The following GPRIN3 variants were observed in gnomAD, a reference collection of about 807,000 sequenced individuals.
GPRIN3 encodes the protein GPRIN family member 3.
A neutral mutation model predicts 13.7 loss-of-function variants in GPRIN3; 12 were observed. The observed-to-expected ratio is 0.87, with a 90% CI of 0.56 to 1.42. The LOEUF is 1.42. Among genes scored for constraint, GPRIN3 ranks in the 40% most tolerant of loss-of-function variants. The pLI is 0.00. For missense variants in GPRIN3, 1,009 were observed against 958.7 expected, an observed-to-expected ratio of 1.05 and a Z score of -0.69; for synonymous variants, 377 against 372.7, an observed-to-expected ratio of 1.01 and a Z score of -0.13.
chr4:89,292,785 G>A (rs1487162709), intron 1 of GPRIN3, among the ~76,000 whole-genome samples: 1 of 152,114 alleles, frequency 6.6e-6, no homozygotes, highest in Non-Finnish European at 1.5e-5. Flanking sequence ...GAAACATGGG[G>A]GAGGCAACTT....
At chr4:89,292,060 C>T (rs576589503) in intron 1 of GPRIN3, among the ~76,000 whole-genome samples, 1 of 152,118 alleles carries the variant, frequency 6.6e-6, no homozygotes, top group African/African-American at 2.4e-5. Context: ...AGCTCTGCCA[C>T]CCCATCCCAA....
chr4:89,245,830 T>A lies in GPRIN3; in HGVS notation c.*1950A>T, dbSNP rs1017088911. ...AGTGTTAGGCTAAATCTCTAATCAT[T>A]AATAGTAATTTGCTTGGTAATTTGA... On this transcript the variant is annotated 3_prime_UTR_variant, in exon 2 of 2. Transcript: ENST00000609438. 6.8e-6 allele frequency: 1 copy of A among 147,034 alleles called. No homozygotes were observed. Among genetic ancestry groups the A allele is most frequent in the Non-Finnish European group, 1.5e-5 (1 of 66,932 alleles). The allele number at this position is 147,034 out of a possible 1,614,324, so 9.1% of individuals were successfully genotyped here.
chr4:89,298,301 A>C (rs2110023694), intron 1 of GPRIN3, among the ~76,000 whole-genome samples: 1 of 152,236 alleles, frequency 6.6e-6, no homozygotes, highest in South Asian at 2.1e-4. Context: ...AACATTAAGG[A>C]AGTGGAGTAT....
chr4:89,305,032 A>C (rs934275752), intron 1 of GPRIN3, among the ~76,000 whole-genome samples: 4 of 152,224 alleles, frequency 2.6e-5, no homozygotes, highest in Non-Finnish European at 5.9e-5. Context: ...TAGATCCTCA[A>C]AATGAATGCA....
chr4:89,278,757 C>T, intron 1 of GPRIN3, among the ~76,000 whole-genome samples: 1 of 152,322 alleles, frequency 6.6e-6, no homozygotes, highest in Non-Finnish European at 1.5e-5. Context: ...GTAACTTGCT[C>T]CAGGTTGTGC....
chr4:89,236,435 A>C lies in GPRIN3; in HGVS notation c.*11345T>G, dbSNP rs1722798643. Reference sequence around the variant, plus strand: ...TTTATTAAATAGAATACAATGGCAAAATTCAAGGCTTTTAACAATTGAGTG... The same window carrying C: ...TTTATTAAATAGAATACAATGGCAACATTCAAGGCTTTTAACAATTGAGTG... On this transcript the variant is annotated 3_prime_UTR_variant, in exon 2 of 2. Coordinates refer to ENST00000609438, the MANE Select transcript of GPRIN3 (RefSeq NM_198281.3). 1 of 152,190 alleles carries C rather than the reference A, an allele frequency of 6.6e-6. No homozygotes were observed. Among genetic ancestry groups the C allele is most frequent in the African/African-American group, 2.4e-5 (1 of 41,450 alleles). 9.4% of individuals were successfully genotyped at this position (152,190 alleles called of 1,614,324 possible). A position where few individuals can be genotyped will look rare whatever the true frequency, so the allele number is the denominator to read the frequency against.
chr4:89,286,561 G>C (rs1288812497), intron 1 of GPRIN3, among the ~76,000 whole-genome samples: 1 of 151,578 alleles, frequency 6.6e-6, no homozygotes, highest in Non-Finnish European at 1.5e-5. Flanking sequence ...TTTTTTCTTT[G>C]TGTTTTTTAG....
chr4:89,306,417 G>A (rs1185008752), intron 1 of GPRIN3, among the ~76,000 whole-genome samples: 1 of 152,158 alleles, frequency 6.6e-6, no homozygotes, highest in African/African-American at 2.4e-5. Flanking sequence ...ATTTCATGAA[G>A]CAAAGCCTTA....
At chr4:89,298,608 A>G (rs898851390) in intron 1 of GPRIN3, among the ~76,000 whole-genome samples, 1 of 152,056 alleles carries the variant, frequency 6.6e-6, no homozygotes, top group Non-Finnish European at 1.5e-5. Context: ...AGTTCAGACT[A>G]TGTATTATTC....
In GPRIN3 at chr4:89,246,597, A is replaced by G. The variant is rs911125726; in HGVS notation, c.*1183T>C. The G allele has an allele frequency of 1.3e-5, 2 of 152,220 alleles. No homozygotes were observed. The highest frequency in any genetic ancestry group is 6.5e-5 in the Admixed American group (1 of 15,282). 9.4% of individuals were successfully genotyped at this position (152,220 alleles called of 1,614,324 possible). A position where few individuals can be genotyped will look rare whatever the true frequency, so the allele number is the denominator to read the frequency against. ...ATTATGGGTATTTCTCTTAAAATCA[A>G]TAAGTTTGCAGAAGTTACCTTTTTA... On this transcript the variant is annotated 3_prime_UTR_variant, in exon 2 of 2. Coordinates refer to ENST00000609438, the MANE Select transcript of GPRIN3 (RefSeq NM_198281.3).
In GPRIN3 at chr4:89,248,125, A is replaced by G; in HGVS notation, c.1986T>C (p.Asp662=). The change falls in exon 2 of 2, where the codon GAT becomes GAC. Residue 662 remains aspartate, a synonymous_variant. Coordinates refer to ENST00000609438, the MANE Select transcript of GPRIN3 (RefSeq NM_198281.3). ...AGTCTGCGCCAAGCTGCTTTTTCTTATCTCCTGGAGTGAGTCCTACCTGAG... is the reference window on the plus strand; with the variant it reads ...AGTCTGCGCCAAGCTGCTTTTTCTTGTCTCCTGGAGTGAGTCCTACCTGAG... The part of the protein sequence containing the change: ...AAAQVGLTPG[D]KKKQLGADSK... The G allele has an allele frequency of 6.2e-7, 1 of 1,613,984 alleles. No homozygotes were observed. The highest frequency in any genetic ancestry group is 8.5e-7 in the Non-Finnish European group (1 of 1,179,976).
chr4:89,240,242 G>T lies in GPRIN3; in HGVS notation c.*7538C>A, dbSNP rs951928967. On this transcript the variant is annotated 3_prime_UTR_variant, in exon 2 of 2. Coordinates refer to ENST00000609438, the MANE Select transcript of GPRIN3 (RefSeq NM_198281.3). ...CTGTTATTGATAATACTAATTTTTT[G>T]TTTGAGTCCATCTTAAGGAACTCAA... 22 of 152,038 alleles carry T rather than the reference G, an allele frequency of 1.4e-4. No individual in the cohort carries two copies. The highest frequency in any genetic ancestry group is 1.3e-3 in the Admixed American group (20 of 15,258). The allele number at this position is 152,038 out of a possible 1,614,324, so 9.4% of individuals were successfully genotyped here.
intron 1 of GPRIN3, among the ~76,000 whole-genome samples, chr4:89,267,144 G>C (rs991648256): frequency 2.0e-5 from 3 of 152,130 alleles, no homozygotes; most frequent in African/African-American, 7.2e-5. Flanking sequence ...AAATGTAAAA[G>C]AAGGGTAACA....
intron 1 of GPRIN3, among the ~76,000 whole-genome samples, chr4:89,291,653 T>C (rs1181039270): frequency 6.6e-6 from 1 of 152,206 alleles, no homozygotes; most frequent in Non-Finnish European, 1.5e-5. Flanking sequence ...TATGTTATCA[T>C]AGGTTTTCTC....
chr4:89,288,989 C>T (rs886603179), intron 1 of GPRIN3, among the ~76,000 whole-genome samples: 2 of 151,970 alleles, frequency 1.3e-5, no homozygotes, highest in Non-Finnish European at 2.9e-5. Context: ...CACTGGTTAC[C>T]TCTCTGACAT....
chr4:89,281,349 C>T (rs969618065), intron 1 of GPRIN3, among the ~76,000 whole-genome samples: 8 of 152,254 alleles, frequency 5.3e-5, no homozygotes, highest in Non-Finnish European at 7.4e-5. Context: ...GTCTCGAACT[C>T]GTGACCTCGT....
intron 1 of GPRIN3, among the ~76,000 whole-genome samples, chr4:89,285,459 T>A (rs10023534): frequency 0.02 from 3,100 of 152,282 alleles, 100 homozygotes; most frequent in African/African-American, 0.072. Context: ...AAACTTTTTC[T>A]TTACTGCAAT....
chr4:89,277,416 T>G (rs533348261), intron 1 of GPRIN3, among the ~76,000 whole-genome samples: 29 of 152,284 alleles, frequency 1.9e-4, no homozygotes, highest in African/African-American at 7.0e-4. Context: ...ACTGAATGTT[T>G]CCTGTTCACT....
chr4:89,281,702 G>C (rs1367733242), intron 1 of GPRIN3, among the ~76,000 whole-genome samples: 1 of 152,182 alleles, frequency 6.6e-6, no homozygotes, highest in Non-Finnish European at 1.5e-5. Context: ...TTAGCCCACA[G>C]AACAAGGACA....
Sources: gnomAD v4.1 joint callset for allele counts (sites outside exome capture counted in the v4.1 genomes callset) on GRCh38, gnomAD v4.1.1 for gene constraint, MANE v1.5 for transcripts, NCBI Gene and HGNC (gene_info 2026-07-23, HGNC 2026-07-21) for gene names.